Variants in SZT2 observed in about 807,000 individuals in gnomAD.
The protein encoded by SZT2 is KICSTOR complex protein SZT2.
A neutral mutation model predicts 404.2 loss-of-function variants in SZT2; 216 were observed. That is an observed-to-expected ratio of 0.53 (90% confidence interval 0.48 to 0.60). SZT2 has a LOEUF of 0.60. Among genes scored for constraint, SZT2 ranks in the 20% least tolerant of loss-of-function variants. The pLI, the probability that SZT2 is intolerant of heterozygous loss-of-function variation, is 0.00. For synonymous variants in SZT2, 1,693 were observed against 1,749.9 expected, an observed-to-expected ratio of 0.97 and a Z score of 0.81; for missense variants, 3,857 against 4,459.2, an observed-to-expected ratio of 0.86 and a Z score of 3.85.
rs1242245399 is a variant in SZT2, at chr1:43,451,348, A to T, written c.*868A>T. ...GGGAGGCCTCGGCACCTCAGCCCAC[A>T]AGGAGAAAACAGCCCCTGTCCGGGT... On this transcript the variant is annotated 3_prime_UTR_variant, in exon 72 of 72. Transcript: ENST00000634258. 1.2e-6 allele frequency: 2 copies of T among 1,612,704 alleles called. No homozygotes were observed. The highest frequency in any genetic ancestry group is 1.7e-6 in the Non-Finnish European group (2 of 1,180,010).
Position 43,425,593 on chromosome 1 carries a change from G to T in SZT2, c.2765G>T (p.Gly922Val). ...TATGGGCGAGTGGGACCTGGCCCTGGAATCTGGAAGCACCTCCAGGACCTG... is the reference window on the plus strand; with the variant it reads ...TATGGGCGAGTGGGACCTGGCCCTGTAATCTGGAAGCACCTCCAGGACCTG... ...PQYGRVGPGP[G>V]IWKHLQDLTY... Residue 922 changes from glycine (G) to valine (V), a missense_variant, in exon 19 of 72, where the codon GGA becomes GTA. Physicochemically the swap from Gly to Val is moderately radical, Grantham distance 109. Around this residue, in one of 7 missense-constraint regions of SZT2, gnomAD observed 1,725 missense variants for 1,881.0 expected, o/e 0.92. Coordinates refer to ENST00000634258, the MANE Select transcript of SZT2 (RefSeq NM_001365999.1). This position sits in a 1 kb window ranked among gnomAD's most constrained non-coding sequence, Gnocchi z 4.3. The T allele has an allele frequency of 1.2e-6, 2 of 1,614,176 alleles. No individual in the cohort carries two copies. Among genetic ancestry groups the T allele is most frequent in the South Asian group, 1.1e-5 (1 of 91,076 alleles).
chr1:43,446,887 A>G, intron 65 of SZT2, 68 bp from the exon 66 acceptor site: 5 of 1,488,670 alleles, frequency 3.4e-6, no homozygotes, highest in Non-Finnish European at 4.6e-6. Flanking sequence ...CCACGGAAGG[A>G]GGGAAATGTG....
chr1:43,432,812 G>T lies in SZT2; in HGVS notation c.5602+13G>T, dbSNP rs1654054911. 3.7e-6 allele frequency: 6 copies of T among 1,613,306 alleles called. 1 individual carries two copies. In the South Asian group the frequency reaches 6.6e-5, roughly 18 times the overall value. On this transcript the variant is annotated intron_variant, in intron 39 of 71. Coordinates refer to ENST00000634258, the MANE Select transcript of SZT2 (RefSeq NM_001365999.1). ...TCAGACCACCTAGGTAAGCTGGGGG[G>T]ACGGGGTGAAGGACTCTAAGCTGAT...
chr1:43,409,528 TC>T, intron 4 of SZT2: 1 of 385,780 alleles, frequency 2.6e-6, no homozygotes. Flanking sequence ...ACCTAATGGC[TC>T]CACCAAAAAA....
At position 43,434,412 on chromosome 1, in the gene SZT2, C is replaced by T. The variant is rs754585816; in HGVS notation, c.5831C>T (p.Pro1944Leu). 3.6e-5 allele frequency: 58 copies of T among 1,597,302 alleles called. No homozygotes were observed. Among genetic ancestry groups the T allele is most frequent in the Admixed American group, 2.8e-4 (16 of 56,540 alleles). The change falls in exon 41 of 72, where the codon CCG (proline) becomes CTG (leucine). Residue 1944 changes from proline (P) to leucine (L), a missense_variant. Physicochemically the swap from Pro to Leu is moderately conservative, Grantham distance 98. Transcript: ENST00000634258. ...AGCCTGATTCGGGAGGATGGGGGGCCGGGCACTGAGTGTCGCCACCTGCAG... is the reference window on the plus strand; with the variant it reads ...AGCCTGATTCGGGAGGATGGGGGGCTGGGCACTGAGTGTCGCCACCTGCAG... ...ARSLIREDGG[P>L]GTECRHLQQL...
intron 52 of SZT2, 145 bp downstream of exon 52, chr1:43,440,731 G>C (rs940354134): frequency 8.5e-7 from 1 of 1,174,462 alleles, no homozygotes; most frequent in Admixed American, 3.4e-5. Flanking sequence ...AGACACCATG[G>C]CGTGTACCTT....
Position 43,443,395 on chromosome 1 carries a change from AT to A in SZT2, c.8545del (p.Tyr2849ThrfsTer61), listed in dbSNP as rs1655295501. The A allele has an allele frequency of 6.2e-7, 1 of 1,614,052 alleles. No individual in the cohort carries two copies. Among genetic ancestry groups the A allele is most frequent in the African/African-American group, 1.3e-5 (1 of 74,920 alleles). On this transcript the variant is annotated frameshift_variant, in exon 61 of 72. Transcript: ENST00000634258. LOFTEE classifies it high-confidence loss of function. ...ETLKQSSRLV[H>X]YCATAMLFDP... The stretch of plus-strand genomic sequence containing the variant: ...CTGAAGCAGTCATCCCGCCTGGTGC[AT>A]TACTGTGCAACAGCCATGCTCTTCG...
In SZT2 at chr1:43,453,351, G is replaced by A; in HGVS notation, c.*2871G>A. On this transcript the variant is annotated 3_prime_UTR_variant, in exon 72 of 72. Coordinates refer to ENST00000634258, the MANE Select transcript of SZT2 (RefSeq NM_001365999.1). ...TCCCTGAACCTGCATCAGGGTCATG[G>A]GTCACAGGGGTGGGGGTGGGGTGGA... 1 of 1,406,744 alleles carries A rather than the reference G, an allele frequency of 7.1e-7. No individual in the cohort carries two copies. Among genetic ancestry groups the A allele is most frequent in the Non-Finnish European group, 9.8e-7 (1 of 1,023,630 alleles). The allele number at this position is 1,406,744 out of a possible 1,614,324, so 87.1% of individuals were successfully genotyped here.
chr1:43,444,476 C>T (rs1240694676), intron 62 of SZT2, among the ~76,000 whole-genome samples: 1 of 152,090 alleles, frequency 6.6e-6, no homozygotes, highest in Non-Finnish European at 1.5e-5. Context: ...TCCCACTGAC[C>T]TCTCCTGAGA....
At position 43,451,315 on chromosome 1, in the gene SZT2, C is replaced by G. The variant is rs1298644261; in HGVS notation, c.*835C>G. 6.2e-7 allele frequency: 1 copy of G among 1,613,578 alleles called. No homozygotes were observed. The highest frequency in any genetic ancestry group is 1.3e-5 in the African/African-American group (1 of 74,922). ...CTCAAGCCCTCTACTGTGTCTCCTGCAGGGAGAGGGAGGCCTCGGCACCTC... is the reference window on the plus strand; with the variant it reads ...CTCAAGCCCTCTACTGTGTCTCCTGGAGGGAGAGGGAGGCCTCGGCACCTC... On this transcript the variant is annotated 3_prime_UTR_variant, in exon 72 of 72. Transcript: ENST00000634258.
intron 4 of SZT2, chr1:43,410,064 A>T (rs1418206841): frequency 1.3e-5 from 2 of 152,244 alleles, no homozygotes; most frequent in African/African-American, 4.8e-5. Context: ...AAAAACAGAC[A>T]CATAGACCAA....
In SZT2 at chr1:43,418,554, C is replaced by T. The variant is rs117068776; in HGVS notation, c.880-1180C>T. Among the ~76,000 whole-genome samples, 277 of 152,310 alleles carry T rather than the reference C, an allele frequency of 1.8e-3. 4 individuals carry two copies. In the East Asian group the frequency reaches 0.045, roughly 25 times the overall value. ...GAAGAAGGAACAGTATTAAGGACTG[C>T]CCTGAAGGACTAGCTGAGTTGGGTG... On this transcript the variant is annotated intron_variant, in intron 7 of 71. Transcript: ENST00000634258.
chr1:43,423,049 A>ATCTCC, intron 14 of SZT2, 50 bp from the exon 15 acceptor site: 1 of 1,540,704 alleles, frequency 6.5e-7, no homozygotes, highest in Non-Finnish European at 8.7e-7. Flanking sequence ...CCCTTCTCCC[A>ATCTCC]GACCTGTAGG....
In SZT2 at chr1:43,453,425, T is replaced by G; in HGVS notation, c.*2945T>G. 1 of 1,561,266 alleles carries G rather than the reference T, an allele frequency of 6.4e-7. No homozygotes were observed. Among genetic ancestry groups the G allele is most frequent in the Non-Finnish European group, 8.7e-7 (1 of 1,151,840 alleles). ...GGCTTTGGCATACCGCACGGCCTGC[T>G]CCAGTCCCTCTCGGAAGGCCGCCTG... is the stretch of plus-strand genomic sequence containing the variant. On this transcript the variant is annotated 3_prime_UTR_variant, in exon 72 of 72. Coordinates refer to ENST00000634258, the MANE Select transcript of SZT2 (RefSeq NM_001365999.1).
In SZT2 at chr1:43,448,804, G is replaced by A. The variant is rs1656015931; in HGVS notation, c.10086+76G>A. On this transcript the variant is annotated intron_variant, in intron 70 of 71. Transcript: ENST00000634258. This position sits in a 1 kb window ranked among gnomAD's most constrained non-coding sequence, Gnocchi z 4.2. ...ACCAAACAGATGTGCCCCTCAGCCT[G>A]ACCAAACAAGCTCTGCTCTGGAGGG... The A allele has an allele frequency of 8.0e-6, 11 of 1,383,388 alleles. No homozygotes were observed. The highest frequency in any genetic ancestry group is 1.1e-5 in the Non-Finnish European group (11 of 972,312). The allele number at this position is 1,383,388 out of a possible 1,614,324, so 85.7% of individuals were successfully genotyped here.
chr1:43,397,592 A>G (rs925059478), intron 1 of SZT2, among the ~76,000 whole-genome samples: 1 of 150,668 alleles, frequency 6.6e-6, no homozygotes, highest in Non-Finnish European at 1.5e-5. Context: ...CAGTGGTGCA[A>G]TCTTGGCTCA....
At chr1:43,446,304 C>T (rs1244650000) in intron 64 of SZT2, 38 bp from the exon 65 acceptor site, 1 of 1,614,204 alleles carries the variant, frequency 6.2e-7, no homozygotes, top group Non-Finnish European at 8.5e-7. Flanking sequence ...ACCCACCTGT[C>T]TCTCGCCTTC....
intron 42 of SZT2, chr1:43,436,941 C>CT: frequency 1.7e-6 from 1 of 572,344 alleles, no homozygotes; most frequent in Non-Finnish European, 3.1e-6. Flanking sequence ...AGCTCCTTCT[C>CT]TAAGTCTCCT....
At position 43,438,919 on chromosome 1, in the gene SZT2, C is replaced by T. The variant is rs777478243; in HGVS notation, c.6628-10C>T. The T allele has an allele frequency of 1.9e-6, 3 of 1,614,024 alleles. No homozygotes were observed. In the South Asian group the frequency reaches 3.3e-5, roughly 18 times the overall value. On this transcript the variant is annotated splice_polypyrimidine_tract_variant and intron_variant, in intron 47 of 71. Coordinates refer to ENST00000634258, the MANE Select transcript of SZT2 (RefSeq NM_001365999.1). ...GCATTCAGCTCTGCCCTCTTCTTCCCACTCTGCAGTTCATCCAGCCCCCTG... is the reference window on the plus strand; with the variant it reads ...GCATTCAGCTCTGCCCTCTTCTTCCTACTCTGCAGTTCATCCAGCCCCCTG...
Sources: gnomAD v4.1 joint callset for allele counts (sites outside exome capture counted in the v4.1 genomes callset) on GRCh38, gnomAD v4.1.1 for gene constraint, gnomAD v4.1.1 regional missense constraint, Gnocchi (gnomAD v3.1) non-coding constraint, MANE v1.5 for transcripts, NCBI Gene and HGNC (gene_info 2026-07-23, HGNC 2026-07-21) for gene names.